PRKAR1B: variants seen among roughly 807,000 people sequenced by gnomAD.
The protein encoded by PRKAR1B is protein kinase cAMP-dependent type I regulatory subunit beta, also known as cAMP-dependent protein kinase type I-beta regulatory subunit.
A neutral mutation model predicts 46.5 loss-of-function variants in PRKAR1B; 22 were observed. The ratio of observed to expected loss-of-function variants is 0.47; its 90% CI spans 0.34 to 0.68. The LOEUF is 0.68. Ranked by LOEUF, PRKAR1B falls within the 30% of genes least tolerant of loss-of-function variation. The probability of loss-of-function intolerance (pLI) is 0.01; values close to 1 mark genes in which losing one functional copy is unlikely to be tolerated. For missense variants in PRKAR1B, 445 were observed against 535.6 expected (o/e 0.83, Z 1.67); for synonymous variants, 259 against 217.7 (o/e 1.19, Z -1.67).
At chr7:651,579 C>T (rs1784905264) in intron 4 of PRKAR1B, among the ~76,000 whole-genome samples, 2 of 151,312 alleles carry the variant, frequency 1.3e-5, no homozygotes. Context: ...ACAGTTCACA[C>T]CCACACAGTG....
Position 691,720 on chromosome 7 carries a change from C to A in PRKAR1B, c.178-10994G>T, listed in dbSNP as rs996910577. Reference sequence around the variant, plus strand: ...CAAAAGCAGCTCCTCGTGGACAAAACCCCGGGGAGGGGAATCCAGGGTGCT... The same window carrying A: ...CAAAAGCAGCTCCTCGTGGACAAAAACCCGGGGAGGGGAATCCAGGGTGCT... On this transcript the variant is annotated intron_variant, in intron 2 of 10. Transcript: ENST00000537384. 6 of 1,249,336 alleles carry A rather than the reference C, an allele frequency of 4.8e-6. No homozygotes were observed. The Admixed American group carries it at 7.3e-5, about 15-fold the overall frequency. 77.4% of individuals were successfully genotyped at this position (1,249,336 alleles called of 1,614,324 possible).
At chr7:617,118 C>T (rs191837061) in intron 4 of PRKAR1B, among the ~76,000 whole-genome samples, 13 of 151,804 alleles carry the variant, frequency 8.6e-5, no homozygotes, top group Admixed American at 7.2e-4. Context: ...CTCAGCCTCC[C>T]GAGTAGCTGG....
At position 581,880 on chromosome 7, in the gene PRKAR1B, T is replaced by C. The variant is rs540562174; in HGVS notation, c.770-2503A>G. ...ACAGACATGAGCCACCACACCCGGC[T>C]AACTTTTTAAAAATTTTTTGGAGAG... On this transcript the variant is annotated intron_variant, in intron 8 of 10. Coordinates refer to ENST00000537384, the MANE Select transcript of PRKAR1B (RefSeq NM_001164760.2). Among the ~76,000 whole-genome samples, 13 of 152,272 alleles carry C rather than the reference T, an allele frequency of 8.5e-5. No individual in the cohort carries two copies. The East Asian group carries it at 2.1e-3, about 25-fold the overall frequency.
intron 7 of PRKAR1B, among the ~76,000 whole-genome samples, chr7:594,934 G>A (rs1223286178): frequency 1.3e-5 from 2 of 152,220 alleles, no homozygotes; most frequent in African/African-American, 2.4e-5. Context: ...CACTGTGGCA[G>A]ACCCAGAGCT....
chr7:639,587 C>T (rs142205449), intron 4 of PRKAR1B, among the ~76,000 whole-genome samples: 114 of 152,358 alleles, frequency 7.5e-4, no homozygotes, highest in Middle Eastern at 3.4e-3. Context: ...TACTGGCTCA[C>T]GCCTGTAATC....
In PRKAR1B at chr7:606,234, C is replaced by T; in HGVS notation, c.508G>A (p.Glu170Lys). Residue 170 changes from glutamate to lysine, a missense_variant, in exon 6 of 11, where the codon GAA becomes AAA. Physicochemically the swap from Glu to Lys is moderately conservative, Grantham distance 56 (BLOSUM62 1). This residue lies in a region of PRKAR1B where 94 missense variants were observed against 126.9 expected (regional missense o/e 0.74). Transcript: ENST00000537384. ...AGETVIQQGN[E>K]GDNFYVVDQG... ...TCAACGACATAGAAGTTGTCTCCTT[C>T]ATTCCCTGTAACAAAAGAAGAAAGT... The T allele has an allele frequency of 6.2e-7, 1 of 1,613,700 alleles. No individual in the cohort carries two copies. Among genetic ancestry groups the T allele is most frequent in the Non-Finnish European group, 8.5e-7 (1 of 1,179,682 alleles).
rs181025397 is a variant in PRKAR1B, at chr7:646,290, C to T, written c.440+30939G>A. 2.6e-4 allele frequency among the ~76,000 whole-genome samples: 39 copies of T among 152,362 alleles called. 1 individual carries two copies. The East Asian group carries it at 3.1e-3, about 12-fold the overall frequency. On this transcript the variant is annotated intron_variant, in intron 4 of 10. Transcript: ENST00000537384. The stretch of plus-strand genomic sequence containing the variant: ...AACTCCTGGATTCAAGCGATCCTCC[C>T]GCCTTGGTCTCCCAAAGTGCTGGGA...
chr7:595,139 G>A (rs946583178), intron 7 of PRKAR1B, among the ~76,000 whole-genome samples: 3 of 152,172 alleles, frequency 2.0e-5, no homozygotes, highest in Admixed American at 6.5e-5. Flanking sequence ...TCTGGACAGC[G>A]CCTCACTGCC....
At chr7:655,105 T>C (rs1020137003) in intron 4 of PRKAR1B, among the ~76,000 whole-genome samples, 4 of 152,230 alleles carry the variant, frequency 2.6e-5, no homozygotes, top group African/African-American at 9.6e-5. Flanking sequence ...TTTCCACTTC[T>C]GCCCTTGTCC....
intron 9 of PRKAR1B, among the ~76,000 whole-genome samples, chr7:554,484 T>C (rs542157704): frequency 1.3e-5 from 2 of 152,244 alleles, no homozygotes; most frequent in African/African-American, 4.8e-5. Flanking sequence ...GATTACTTGG[T>C]GAAACCTGGG....
At position 602,141 on chromosome 7, in the gene PRKAR1B, C is replaced by T. The variant is rs766990716; in HGVS notation, c.549+4052G>A. 1.3e-5 allele frequency among the ~76,000 whole-genome samples: 2 copies of T among 152,122 alleles called. No individual in the cohort carries two copies. Among genetic ancestry groups the T allele is most frequent in the Non-Finnish European group, 2.9e-5 (2 of 68,016 alleles). On this transcript the variant is annotated intron_variant, in intron 6 of 10. Transcript: ENST00000537384. The surrounding 1 kb of genome is among the most constrained non-coding windows in gnomAD (Gnocchi z 6.4). ...CACTCAGGCTTCAGCCCCGACCCCA[C>T]GCTAACTGGGCCAGGGCAGGGGCTG... is the stretch of plus-strand genomic sequence containing the variant.
At chr7:660,401 G>A (rs1309691702) in intron 4 of PRKAR1B, among the ~76,000 whole-genome samples, 12 of 148,558 alleles carry the variant, frequency 8.1e-5, no homozygotes, top group South Asian at 2.2e-4. Flanking sequence ...CACCCCAACA[G>A]ATCCAAATAC....
rs941169839 is a variant in PRKAR1B at position 665,958 on chromosome 7, A to C, written c.440+11271T>G. ...TCAAGCCAGAGGCCTGTTTTAATTAAAGCAGCAGAGAGCTGGAGCCACTGC... is the reference window on the plus strand; with the variant it reads ...TCAAGCCAGAGGCCTGTTTTAATTACAGCAGCAGAGAGCTGGAGCCACTGC... On this transcript the variant is annotated intron_variant, in intron 4 of 10. Transcript: ENST00000537384. Among the ~76,000 whole-genome samples the C allele has an allele frequency of 2.6e-5, 4 of 152,166 alleles. No individual in the cohort carries two copies. The East Asian group carries it at 7.7e-4, about 29-fold the overall frequency.
At chr7:726,019 A>G (rs1441172926) in intron 1 of PRKAR1B, among the ~76,000 whole-genome samples, 5 of 151,984 alleles carry the variant, frequency 3.3e-5, no homozygotes, top group Non-Finnish European at 7.4e-5. Flanking sequence ...CCATCTCAGG[A>G]TTTTCAGAAC....
intron 7 of PRKAR1B, among the ~76,000 whole-genome samples, chr7:586,726 C>A (rs957048928): frequency 2.0e-5 from 3 of 152,146 alleles, no homozygotes; most frequent in African/African-American, 7.2e-5. Flanking sequence ...AAAATTTAAT[C>A]CTAAGGGTAA....
At chr7:715,567 C>G (rs1583457082) in intron 1 of PRKAR1B, among the ~76,000 whole-genome samples, 1 of 152,082 alleles carries the variant, frequency 6.6e-6, no homozygotes, top group Non-Finnish European at 1.5e-5. Context: ...GACCTACCCC[C>G]TGGGGTAGGT....
intron 4 of PRKAR1B, among the ~76,000 whole-genome samples, chr7:635,532 G>C (rs1327018494): frequency 1.3e-5 from 2 of 152,202 alleles, no homozygotes; most frequent in Non-Finnish European, 2.9e-5. Flanking sequence ...TGGGACCCGA[G>C]GGCCCCTTGG....
intron 2 of PRKAR1B, among the ~76,000 whole-genome samples, chr7:709,227 G>T (rs114766332): frequency 1.3e-3 from 195 of 149,720 alleles, no homozygotes; most frequent in African/African-American, 4.3e-3. Flanking sequence ...GGTCTTTAAA[G>T]AATATATAAA....
rs994129569 is a variant in PRKAR1B at position 702,080 on chromosome 7, G to A, written c.177+9249C>T. Among the ~76,000 whole-genome samples, 8 of 152,132 alleles carry A rather than the reference G, an allele frequency of 5.3e-5. No homozygotes were observed. The East Asian group carries it at 5.8e-4, about 11-fold the overall frequency. On this transcript the variant is annotated intron_variant, in intron 2 of 10. Coordinates refer to ENST00000537384, the MANE Select transcript of PRKAR1B (RefSeq NM_001164760.2). The stretch of plus-strand genomic sequence containing the variant: ...AGTTCAACATGTGTAAAGATGATAC[G>A]TACAACAACCAGAAATAATAAGGGG...
Sources: allele counts gnomAD v4.1 joint callset (sites outside exome capture counted in the v4.1 genomes callset), GRCh38; gene constraint gnomAD v4.1.1; regional missense constraint gnomAD v4.1.1; non-coding constraint Gnocchi (gnomAD v3.1); transcripts MANE v1.5; gene names NCBI Gene and HGNC (gene_info 2026-07-23, HGNC 2026-07-21).